TMEM217B: variants seen among roughly 807,000 people sequenced by gnomAD.
The protein encoded by TMEM217B is putative transmembrane protein 217B.
chr6:37,225,020 A>C, the TMEM217B span, among the ~76,000 whole-genome samples: 23 of 151,344 alleles, frequency 1.5e-4, no homozygotes, highest in African/African-American at 4.6e-4. Flanking sequence ...AAAAAAAAAA[A>C]AAAAAACACC....
chr6:37,229,335 GTTTTTTTT>G, the TMEM217B span, among the ~76,000 whole-genome samples: 10 of 74,364 alleles, frequency 1.3e-4, no homozygotes, highest in South Asian at 2.6e-3. Flanking sequence ...GCAACTTTCA[GTTTTTTTT>G]TTTTTTTTTT....
the TMEM217B span, among the ~76,000 whole-genome samples, chr6:37,225,997 CT>C: frequency 6.6e-6 from 1 of 152,134 alleles, no homozygotes; most frequent in South Asian, 2.1e-4. Context: ...CAGCCATTGT[CT>C]TTTGGGGTTT....
At chr6:37,235,055 C>T in the TMEM217B span, among the ~76,000 whole-genome samples, 2 of 152,136 alleles carry the variant, frequency 1.3e-5, no homozygotes, top group African/African-American at 4.8e-5. Context: ...ATCTTCTTAA[C>T]TGCAAAATGG....
the TMEM217B span, among the ~76,000 whole-genome samples, chr6:37,239,414 G>A: frequency 6.6e-6 from 1 of 152,094 alleles, no homozygotes; most frequent in Non-Finnish European, 1.5e-5. Context: ...GGCCGAGGCT[G>A]CAGTGAACCA....
chr6:37,257,588 G>T, the TMEM217B span: 1 of 388,206 alleles, frequency 2.6e-6, no homozygotes, highest in East Asian at 5.1e-5. Context: ...CCTCTCGCGG[G>T]TAGGAACTTT....
the TMEM217B span, among the ~76,000 whole-genome samples, chr6:37,243,845 G>A: frequency 6.6e-6 from 1 of 152,198 alleles, no homozygotes; most frequent in Non-Finnish European, 1.5e-5. Flanking sequence ...TCATAAGGAT[G>A]TGGAAAACTC....
At chr6:37,213,051 C>T in the TMEM217B span, 1 of 1,166,376 alleles carries the variant, frequency 8.6e-7, no homozygotes, top group Non-Finnish European at 1.2e-6. Context: ...TAGCCTTAGA[C>T]AAATCCCCCA....
chr6:37,224,563 ACTCCAGG>A, the TMEM217B span, among the ~76,000 whole-genome samples: 1 of 151,570 alleles, frequency 6.6e-6, no homozygotes, highest in East Asian at 2.0e-4. Context: ...ACACCACTGC[ACTCCAGG>A]CTGGGTGACA....
At chr6:37,222,582 G>A in the TMEM217B span, among the ~76,000 whole-genome samples, 2 of 152,206 alleles carry the variant, frequency 1.3e-5, no homozygotes, top group African/African-American at 4.8e-5. Flanking sequence ...GGGAGGCCCA[G>A]GTCTGCAGCC....
At chr6:37,252,609 A>ATG in the TMEM217B span, among the ~76,000 whole-genome samples, 3 of 36,380 alleles carry the variant, frequency 8.2e-5, no homozygotes, top group Non-Finnish European at 1.0e-4. Context: ...GTGTGTGTGT[A>ATG]TGTGTGTGTA....
chr6:37,233,909 C>T, the TMEM217B span, among the ~76,000 whole-genome samples: 1 of 152,124 alleles, frequency 6.6e-6, no homozygotes, highest in East Asian at 1.9e-4. Context: ...ACCCATACAG[C>T]CATTCTGATT....
At chr6:37,217,674 C>T in the TMEM217B span, 2 of 985,070 alleles carry the variant, frequency 2.0e-6, no homozygotes, top group Non-Finnish European at 2.4e-6. Flanking sequence ...TTTTTCTTAT[C>T]TGGAATAAAA....
the TMEM217B span, among the ~76,000 whole-genome samples, chr6:37,234,357 C>T: frequency 3.3e-5 from 5 of 152,150 alleles, no homozygotes; most frequent in Non-Finnish European, 7.3e-5. Flanking sequence ...GCCTTGGCCT[C>T]CCAAAGTGCT....
the TMEM217B span, among the ~76,000 whole-genome samples, chr6:37,252,637 AT>A: frequency 9.7e-4 from 69 of 71,352 alleles, no homozygotes; most frequent in East Asian, 3.5e-3. Context: ...ATATATATAT[AT>A]TTTTTTTTTT....
the TMEM217B span, among the ~76,000 whole-genome samples, chr6:37,230,746 C>G: frequency 2.2e-4 from 33 of 152,284 alleles, 1 homozygote; most frequent in Non-Finnish European, 4.3e-4. Flanking sequence ...GAAGCCCTAG[C>G]AAACCAATAA....
the TMEM217B span, among the ~76,000 whole-genome samples, chr6:37,226,163 T>C: frequency 2.1e-3 from 315 of 152,286 alleles, no homozygotes; most frequent in African/African-American, 6.5e-3. Flanking sequence ...TACATGCTTA[T>C]TTCACTGAGT....
At chr6:37,229,428 C>T in the TMEM217B span, among the ~76,000 whole-genome samples, 3 of 139,036 alleles carry the variant, frequency 2.2e-5, no homozygotes, top group African/African-American at 5.4e-5. Context: ...CTGCAAGCTC[C>T]GCCTCCCGGG....
chr6:37,215,411 C>G, the TMEM217B span: 1 of 1,161,416 alleles, frequency 8.6e-7, no homozygotes, highest in Non-Finnish European at 1.1e-6. Flanking sequence ...CCCATCTCTA[C>G]TAAAGATACA....
the TMEM217B span, chr6:37,257,918 A>G: frequency 6.2e-7 from 1 of 1,613,850 alleles, no homozygotes; most frequent in Non-Finnish European, 8.5e-7. Context: ...GGCCAGAGCA[A>G]TGGCCGCTGA....
Sources: allele counts gnomAD v4.1 joint callset (sites outside exome capture counted in the v4.1 genomes callset), GRCh38; gene constraint gnomAD v4.1.1; transcripts MANE v1.5; gene names NCBI Gene and HGNC (gene_info 2026-07-23, HGNC 2026-07-21).